PTK2: variants seen among roughly 807,000 people sequenced by gnomAD.
PTK2 encodes focal adhesion kinase 1.
A neutral mutation model predicts 150.1 loss-of-function variants in PTK2; 45 were observed. The observed-to-expected ratio is 0.30, with a 90% CI of 0.24 to 0.38. The LOEUF is 0.38. PTK2 is among the 10% of genes least tolerant of loss of function. PTK2 has a pLI of 1.00. For missense variants in PTK2, 919 were observed against 1,307.3 expected, an observed-to-expected ratio of 0.70 and a Z score of 4.58; for synonymous variants, 432 against 449.2, an observed-to-expected ratio of 0.96 and a Z score of 0.48.
chr8:140,784,402 T>G (rs1254794993), intron 14 of PTK2, among the ~76,000 whole-genome samples: 2 of 152,028 alleles, frequency 1.3e-5, no homozygotes, highest in African/African-American at 2.4e-5. Context: ...TTTTACTGCT[T>G]GATCAAGGGC....
intron 2 of PTK2, among the ~76,000 whole-genome samples, chr8:140,895,697 TA>T (rs1456190588): frequency 6.6e-6 from 1 of 152,016 alleles, no homozygotes; most frequent in East Asian, 1.9e-4. Flanking sequence ...AATGTACATT[TA>T]AAAAGAACTA....
At chr8:140,795,462 C>T (rs1449203790) in intron 12 of PTK2, among the ~76,000 whole-genome samples, 4 of 152,188 alleles carry the variant, frequency 2.6e-5, no homozygotes, top group African/African-American at 9.7e-5. Flanking sequence ...TGTTTTCCAC[C>T]CCTTCAGGTG....
chr8:140,886,027 C>T (rs762050134), intron 3 of PTK2, among the ~76,000 whole-genome samples: 6 of 152,026 alleles, frequency 3.9e-5, no homozygotes, highest in Non-Finnish European at 7.4e-5. Context: ...TTTAAGGCAG[C>T]TACTGAAGAA....
exon 6 of PTK2, chr8:140,846,637 G>A: frequency 6.2e-7 from 1 of 1,612,396 alleles, no homozygotes; most frequent in Admixed American, 1.7e-5. Flanking sequence ...CAATTTCCTG[G>A]TCCACTTGAT....
intron 16 of PTK2, among the ~76,000 whole-genome samples, chr8:140,756,164 A>G (rs1211921983): frequency 1.3e-5 from 2 of 151,762 alleles, no homozygotes; most frequent in Non-Finnish European, 1.5e-5. Flanking sequence ...CTCTACTAAA[A>G]ATACAAAAAC....
chr8:140,758,508 A>T (rs757562166), intron 16 of PTK2, among the ~76,000 whole-genome samples: 2 of 152,218 alleles, frequency 1.3e-5, no homozygotes, highest in Admixed American at 1.3e-4. Flanking sequence ...TGACATCTCC[A>T]TGCACATTAC....
In PTK2 at chr8:140,787,293, A is replaced by G. The variant is rs540600868; in HGVS notation, c.1177+2181T>C. Among the ~76,000 whole-genome samples, 53 of 152,322 alleles carry G rather than the reference A, an allele frequency of 3.5e-4. No homozygotes were observed. In the East Asian group the frequency reaches 4.0e-3, roughly 12 times the overall value. On this transcript the variant is annotated intron_variant, in intron 14 of 31. Transcript: ENST00000522684. ...TTTAGCAGCTATGTAACCTTGGACA[A>G]ATTATTTAGCCTCTCTGGAACATAG... is the stretch of plus-strand genomic sequence containing the variant.
intron 31 of PTK2, among the ~76,000 whole-genome samples, chr8:140,660,373 G>A (rs1368328871): frequency 1.3e-5 from 2 of 152,188 alleles, no homozygotes; most frequent in Admixed American, 6.5e-5. Flanking sequence ...CTGGTCTTAT[G>A]CTTTCTACTA....
At chr8:140,817,085 G>C (rs927070799) in intron 10 of PTK2, among the ~76,000 whole-genome samples, 1 of 152,122 alleles carries the variant, frequency 6.6e-6, no homozygotes, top group Non-Finnish European at 1.5e-5. Context: ...AGGGAGGAAG[G>C]GGCAAAGAAA....
At chr8:140,712,759 T>A (rs1344975048) in intron 23 of PTK2, among the ~76,000 whole-genome samples, 3 of 152,220 alleles carry the variant, frequency 2.0e-5, no homozygotes, top group Admixed American at 1.3e-4. Context: ...GAGCTTACTA[T>A]AACAGTCTAA....
At chr8:140,828,976 G>T (rs2100113628) in intron 8 of PTK2, among the ~76,000 whole-genome samples, 1 of 152,162 alleles carries the variant, frequency 6.6e-6, no homozygotes, top group African/African-American at 2.4e-5. Context: ...AATGGTCTGT[G>T]GGCTACTTGT....
intron 5 of PTK2, among the ~76,000 whole-genome samples, chr8:140,849,539 C>T (rs1247319693): frequency 6.6e-6 from 1 of 152,200 alleles, no homozygotes; most frequent in Admixed American, 6.5e-5. Flanking sequence ...ATACCTAGCA[C>T]CATGTCAAGC....
chr8:140,749,727 G>C (rs2100061594), intron 17 of PTK2, among the ~76,000 whole-genome samples: 1 of 152,116 alleles, frequency 6.6e-6, no homozygotes, highest in South Asian at 2.1e-4. Context: ...ATTCCTGATC[G>C]AGGCCATATT....
At chr8:140,888,836 T>C (rs184052285) in intron 3 of PTK2, among the ~76,000 whole-genome samples, 1 of 152,340 alleles carries the variant, frequency 6.6e-6, no homozygotes, top group East Asian at 1.9e-4. Context: ...GCCCTAGAGT[T>C]CATTAGGGCT....
chr8:140,715,155 G>GTTTTT (rs67306225), intron 23 of PTK2, among the ~76,000 whole-genome samples: 2 of 56,020 alleles, frequency 3.6e-5, no homozygotes, highest in Non-Finnish European at 6.7e-5. Flanking sequence ...CATTAAAACC[G>GTTTTT]TTTTTTTTTT....
intron 12 of PTK2, among the ~76,000 whole-genome samples, chr8:140,794,529 A>T (rs2100090466): frequency 6.6e-6 from 1 of 152,062 alleles, no homozygotes; most frequent in Non-Finnish European, 1.5e-5. Flanking sequence ...CTTTTTGAAC[A>T]TCTCCAATGA....
intron 1 of PTK2, among the ~76,000 whole-genome samples, chr8:140,963,644 C>G (rs2100184187): frequency 6.6e-6 from 1 of 152,212 alleles, no homozygotes; most frequent in Admixed American, 6.5e-5. Flanking sequence ...ATTATGTCAA[C>G]CGCTCAAAAG....
At chr8:140,973,386 G>A (rs1254618414) in intron 1 of PTK2, among the ~76,000 whole-genome samples, 1 of 151,910 alleles carries the variant, frequency 6.6e-6, no homozygotes, top group Non-Finnish European at 1.5e-5. Context: ...ACTTTTCTGG[G>A]TTATTTACTT....
chr8:140,891,143 T>G (rs575793321), intron 2 of PTK2, among the ~76,000 whole-genome samples: 2 of 152,018 alleles, frequency 1.3e-5, no homozygotes, highest in Non-Finnish European at 2.9e-5. Context: ...TCCCTGCTTT[T>G]GAAAACTTTT....
Sources: gnomAD v4.1 joint callset for allele counts (sites outside exome capture counted in the v4.1 genomes callset) on GRCh38, gnomAD v4.1.1 for gene constraint, MANE v1.5 for transcripts, NCBI Gene and HGNC (gene_info 2026-07-23, HGNC 2026-07-21) for gene names.